ACSM6: variants seen among roughly 807,000 people sequenced by gnomAD.
ACSM6 encodes acyl-coenzyme A synthetase ACSM6, mitochondrial.
ACSM6 carries 35 observed loss-of-function variants against 51.1 expected under a neutral mutation model. That is an observed-to-expected ratio of 0.69 (90% CI 0.52 to 0.91). The LOEUF (loss-of-function observed/expected upper bound fraction) is 0.91, where lower values mean the gene tolerates loss of function less well. Among genes scored for constraint, ACSM6 ranks in the 40% least tolerant of loss-of-function variants. The pLI is 0.00. For missense variants in ACSM6, 509 were observed against 584.1 expected (o/e 0.87, Z 1.32); for synonymous variants, 172 against 207.3 (o/e 0.83, Z 1.46).
In ACSM6 at chr10:95,212,947, G is replaced by A. The variant is rs184104507; in HGVS notation, c.995+7G>A. 2.0e-4 allele frequency: 318 copies of A among 1,599,194 alleles called. 2 individuals carry two copies. The East Asian group carries it at 5.2e-3, about 26-fold the overall frequency. The stretch of plus-strand genomic sequence containing the variant: ...AGCACAAGTGTTTCACCAGGTAAGA[G>A]AGGATCCCTCAGGAGAGAGTCCATT... On this transcript the variant is annotated splice_region_variant and intron_variant, in intron 7 of 10. Transcript: ENST00000341686.
intron 10 of ACSM6, among the ~76,000 whole-genome samples, chr10:95,228,073 TAA>T (rs879824551): frequency 4.3e-5 from 6 of 140,734 alleles, no homozygotes; most frequent in Non-Finnish European, 6.2e-5. Flanking sequence ...CTGTTTCAAT[TAA>T]AAAAAAAAAA....
At chr10:95,214,636 G>A (rs2034925778) in intron 7 of ACSM6, among the ~76,000 whole-genome samples, 1 of 152,202 alleles carries the variant, frequency 6.6e-6, no homozygotes, top group Non-Finnish European at 1.5e-5. Context: ...AATGCCGCTT[G>A]TCCAGAAGAG....
intron 8 of ACSM6, among the ~76,000 whole-genome samples, 197 bp from the exon 9 acceptor site, chr10:95,219,694 C>T (rs192565888): frequency 6.2e-4 from 95 of 152,110 alleles, no homozygotes; most frequent in African/African-American, 2.1e-3. Context: ...TTCTTCTGTT[C>T]CCCTGCATTT....
At chr10:95,197,489 C>T (rs1049689624) in intron 2 of ACSM6, among the ~76,000 whole-genome samples, 1 of 151,886 alleles carries the variant, frequency 6.6e-6, no homozygotes, top group African/African-American at 2.4e-5. Context: ...ATAATTAAGT[C>T]AAGGGAAGGT....
At position 95,205,411 on chromosome 10, in the gene ACSM6, G is replaced by A. The variant is rs192513258; in HGVS notation, c.404-1797G>A. 2.8e-4 allele frequency among the ~76,000 whole-genome samples: 42 copies of A among 152,240 alleles called. No individual in the cohort carries two copies. In the East Asian group the frequency reaches 7.1e-3, roughly 26 times the overall value. ...GGGCCCACTTTCTGATTCAGAAATAGCTCCTTCTAGCTGTGTCCTCATATG... is the reference window on the plus strand; with the variant it reads ...GGGCCCACTTTCTGATTCAGAAATAACTCCTTCTAGCTGTGTCCTCATATG... On this transcript the variant is annotated intron_variant, in intron 3 of 10. Coordinates refer to ENST00000341686, the Ensembl canonical transcript of ACSM6.
At chr10:95,197,168 A>G (rs2034736225) in intron 2 of ACSM6, among the ~76,000 whole-genome samples, 1 of 152,164 alleles carries the variant, frequency 6.6e-6, no homozygotes, top group Non-Finnish European at 1.5e-5. Context: ...CATTTGTACT[A>G]GTCTGTTCAT....
intron 9 of ACSM6, among the ~76,000 whole-genome samples, chr10:95,223,907 A>C (rs1433731008): frequency 6.6e-6 from 1 of 152,220 alleles, no homozygotes; most frequent in Non-Finnish European, 1.5e-5. Flanking sequence ...ATCCTAAGGA[A>C]TACACACACA....
chr10:95,225,408 C>A lies in ACSM6; in HGVS notation c.1302+17C>A. 2.0e-6 allele frequency: 3 copies of A among 1,463,792 alleles called. No individual in the cohort carries two copies. The highest frequency in any genetic ancestry group is 2.8e-6 in the Non-Finnish European group (3 of 1,076,798). The allele number at this position is 1,463,792 out of a possible 1,614,324, so 90.7% of individuals were successfully genotyped here. A position where few individuals can be genotyped will look rare whatever the true frequency, so the allele number is the denominator to read the frequency against. On this transcript the variant is annotated intron_variant, in intron 10 of 10. Coordinates refer to ENST00000341686, the Ensembl canonical transcript of ACSM6. The stretch of plus-strand genomic sequence containing the variant: ...CCACACATGGTAAGAAAATTTTCTT[C>A]TTTCCTAAATACTTTCATTGTTGCT...
At chr10:95,201,333 A>G in intron 2 of ACSM6, 1 of 385,254 alleles carries the variant, frequency 2.6e-6, no homozygotes, top group Non-Finnish European at 5.3e-6. Flanking sequence ...AGCCTCCCCA[A>G]TGTCTATTAT....
At chr10:95,200,023 A>T (rs1456217595) in intron 2 of ACSM6, among the ~76,000 whole-genome samples, 1 of 152,214 alleles carries the variant, frequency 6.6e-6, no homozygotes, top group Non-Finnish European at 1.5e-5. Flanking sequence ...AAGGATTATA[A>T]ATCATGCTGC....
At chr10:95,223,157 CAG>C (rs1366355085) in intron 9 of ACSM6, among the ~76,000 whole-genome samples, 3 of 107,466 alleles carry the variant, frequency 2.8e-5, no homozygotes, top group African/African-American at 9.8e-5. Context: ...CGCACACATA[CAG>C]ACACACACAC....
rs2034703774 is a variant in ACSM6 at position 95,194,273 on chromosome 10, A to AGG, written c.-52_-51insGG. 1.6e-5 allele frequency: 8 copies of AGG among 494,176 alleles called. No individual in the cohort carries two copies. In the Admixed American group the frequency reaches 1.9e-4, roughly 12 times the overall value. The allele number at this position is 494,176 out of a possible 1,614,324, so 30.6% of individuals were successfully genotyped here. On this transcript the variant is annotated 5_prime_UTR_variant, in exon 1 of 11. Coordinates refer to ENST00000341686, the Ensembl canonical transcript of ACSM6. ...AGCTCTACCATCCTCCAAACATCTG[A>AGG]AGCCCCCCATAGAAACTCCTCTTGG...
chr10:95,211,020 T>C (rs2034888054), intron 5 of ACSM6, among the ~76,000 whole-genome samples: 1 of 152,166 alleles, frequency 6.6e-6, no homozygotes, highest in Non-Finnish European at 1.5e-5. Flanking sequence ...AGGGATTCCA[T>C]GCAGTAGGTG....
chr10:95,211,206 C>T (rs1419326394), intron 5 of ACSM6, among the ~76,000 whole-genome samples: 1 of 152,198 alleles, frequency 6.6e-6, no homozygotes, highest in Non-Finnish European at 1.5e-5. Context: ...ATGAAAATCA[C>T]ATGTCATCAC....
At chr10:95,214,340 A>T (rs2034922762) in intron 7 of ACSM6, among the ~76,000 whole-genome samples, 1 of 152,142 alleles carries the variant, frequency 6.6e-6, no homozygotes, top group African/African-American at 2.4e-5. Context: ...AAATCAAATA[A>T]ACATAAAATG....
chr10:95,208,920 G>A (rs2034867394), intron 4 of ACSM6, among the ~76,000 whole-genome samples: 2 of 104,198 alleles, frequency 1.9e-5, no homozygotes, highest in Non-Finnish European at 3.4e-5. Context: ...GTATTTCAGT[G>A]TCCAGGGATG....
At chr10:95,202,774 A>G (rs1045604180) in intron 3 of ACSM6, among the ~76,000 whole-genome samples, 1 of 151,886 alleles carries the variant, frequency 6.6e-6, no homozygotes, top group Non-Finnish European at 1.5e-5. Context: ...AAAAAAACAC[A>G]AAGCAGAAAA....
At chr10:95,208,948 A>AAGG in intron 4 of ACSM6, among the ~76,000 whole-genome samples, 1 of 149,110 alleles carries the variant, frequency 6.7e-6, no homozygotes, top group African/African-American at 2.4e-5. Flanking sequence ...AAAAAAAAAA[A>AAGG]AAAAAAAAAA....
intron 8 of ACSM6, among the ~76,000 whole-genome samples, chr10:95,219,523 C>T (rs1414845645): frequency 6.6e-6 from 1 of 152,210 alleles, no homozygotes; most frequent in Non-Finnish European, 1.5e-5. Flanking sequence ...ATTAAGCACA[C>T]ACATTGTGGC....
Sources: allele counts gnomAD v4.1 joint callset (sites outside exome capture counted in the v4.1 genomes callset), GRCh38; gene constraint gnomAD v4.1.1; transcripts MANE v1.5; gene names NCBI Gene and HGNC (gene_info 2026-07-23, HGNC 2026-07-21).